GMDS: variants seen among roughly 807,000 people sequenced by gnomAD.
The protein encoded by GMDS is GDP-mannose 4,6-dehydratase.
A neutral mutation model predicts 49.9 loss-of-function variants in GMDS; 20 were observed. That is an observed-to-expected ratio of 0.40 (90% confidence interval 0.28 to 0.58). The LOEUF (loss-of-function observed/expected upper bound fraction) is 0.58, where lower values mean the gene tolerates loss of function less well. Ranked by LOEUF, GMDS falls within the 20% of genes least tolerant of loss-of-function variation. GMDS has a pLI of 0.42. For synonymous variants in GMDS, 177 were observed against 178.6 expected, an observed-to-expected ratio of 0.99 and a Z score of 0.07; for missense variants, 362 against 481.4, an observed-to-expected ratio of 0.75 and a Z score of 2.32.
intron 2 of GMDS, among the ~76,000 whole-genome samples, chr6:2,121,751 T>A (rs1359820571): frequency 6.6e-6 from 1 of 152,204 alleles, no homozygotes; most frequent in Non-Finnish European, 1.5e-5. Flanking sequence ...GGAGAAAAAG[T>A]AAAGGAGTGC....
At chr6:2,136,870 T>A (rs1776029295) in intron 1 of GMDS, among the ~76,000 whole-genome samples, 1 of 148,392 alleles carries the variant, frequency 6.7e-6, no homozygotes, top group African/African-American at 2.5e-5. Context: ...GCCACTACAT[T>A]CTAGCCTGGG....
chr6:1,884,808 G>A (rs762453625), intron 7 of GMDS, among the ~76,000 whole-genome samples: 7 of 152,164 alleles, frequency 4.6e-5, no homozygotes, highest in Non-Finnish European at 1.0e-4. Context: ...ATTAGGCTAC[G>A]GTGCCCTGAG....
chr6:2,234,663 T>A (rs992501708), intron 1 of GMDS, among the ~76,000 whole-genome samples: 1 of 152,006 alleles, frequency 6.6e-6, no homozygotes, highest in Non-Finnish European at 1.5e-5. Context: ...TGAAAAGACA[T>A]AAATTTTCTG....
intron 7 of GMDS, among the ~76,000 whole-genome samples, chr6:1,751,915 C>CGG (rs1767748929): frequency 6.6e-6 from 1 of 152,196 alleles, no homozygotes; most frequent in Non-Finnish European, 1.5e-5. Context: ...GATAACTCCA[C>CGG]AAAGATGAGG....
At chr6:2,040,900 A>T (rs921246652) in intron 4 of GMDS, among the ~76,000 whole-genome samples, 1 of 152,232 alleles carries the variant, frequency 6.6e-6, no homozygotes, top group East Asian at 1.9e-4. Context: ...CAGCACAAAA[A>T]TACACAGGTT....
chr6:1,646,663 C>T (rs1259065433), intron 9 of GMDS, among the ~76,000 whole-genome samples: 1 of 152,220 alleles, frequency 6.6e-6, no homozygotes, highest in Non-Finnish European at 1.5e-5. Flanking sequence ...AAATTACAGT[C>T]ATGAGCCACT....
chr6:2,184,659 T>C (rs1398183898), intron 1 of GMDS, among the ~76,000 whole-genome samples: 2 of 152,244 alleles, frequency 1.3e-5, no homozygotes. Flanking sequence ...TTGTTTTTCA[T>C]TGTCAATCTG....
rs565183350 is a variant in GMDS at position 2,149,488 on chromosome 6, G to C, written c.103-24757C>G. 3.9e-5 allele frequency among the ~76,000 whole-genome samples: 6 copies of C among 152,240 alleles called. No individual in the cohort carries two copies. In the South Asian group the frequency reaches 1.2e-3, roughly 32 times the overall value. On this transcript the variant is annotated intron_variant, in intron 1 of 10. Transcript: ENST00000380815. ...AGGATTATGTGAGGCGTCTACCACA[G>C]AATGGCTTTTTCAGCCACCTGAACC...
chr6:2,182,652 T>C (rs1461185326), intron 1 of GMDS, among the ~76,000 whole-genome samples: 2 of 152,206 alleles, frequency 1.3e-5, no homozygotes, highest in Non-Finnish European at 2.9e-5. Flanking sequence ...AGCACATCTG[T>C]TTACAAATTG....
At chr6:1,808,146 G>T (rs2113673630) in intron 7 of GMDS, among the ~76,000 whole-genome samples, 1 of 152,318 alleles carries the variant, frequency 6.6e-6, no homozygotes, top group East Asian at 1.9e-4. Context: ...TGTGTTCACA[G>T]TTCCTAAGGT....
chr6:2,011,707 G>A (rs1310190215), intron 4 of GMDS, among the ~76,000 whole-genome samples: 1 of 152,212 alleles, frequency 6.6e-6, no homozygotes, highest in African/African-American at 2.4e-5. Context: ...CTGAGGCAAG[G>A]AGTTCGTGAC....
intron 7 of GMDS, among the ~76,000 whole-genome samples, chr6:1,756,523 C>T (rs56046637): frequency 0.43 from 65,163 of 151,796 alleles, 14,069 homozygotes; most frequent in African/African-American, 0.46. Context: ...CTGCCCGCCT[C>T]GGCCTCCCAA....
intron 1 of GMDS, among the ~76,000 whole-genome samples, chr6:2,126,220 G>A (rs1356486464): frequency 1.3e-5 from 2 of 152,082 alleles, no homozygotes; most frequent in East Asian, 1.9e-4. Flanking sequence ...TTTTGCAGTC[G>A]ATCCCATAAC....
intron 4 of GMDS, among the ~76,000 whole-genome samples, chr6:2,033,145 T>C (rs1467460164): frequency 2.0e-5 from 3 of 152,188 alleles, no homozygotes; most frequent in African/African-American, 7.2e-5. Context: ...CTTCCTTCAT[T>C]TATAGTTTGA....
intron 7 of GMDS, among the ~76,000 whole-genome samples, chr6:1,929,031 TAA>T (rs1244575146): frequency 6.6e-6 from 1 of 152,100 alleles, no homozygotes; most frequent in Non-Finnish European, 1.5e-5. Flanking sequence ...ATTCAAAATC[TAA>T]AGTCAAAGCT....
At chr6:1,827,282 T>C (rs1423150517) in intron 7 of GMDS, among the ~76,000 whole-genome samples, 1 of 152,032 alleles carries the variant, frequency 6.6e-6, no homozygotes, top group Admixed American at 6.6e-5. Flanking sequence ...TTGGAAAACA[T>C]GTATATACAC....
At chr6:1,771,543 C>T (rs1768576907) in intron 7 of GMDS, among the ~76,000 whole-genome samples, 3 of 152,238 alleles carry the variant, frequency 2.0e-5, no homozygotes, top group East Asian at 1.9e-4. Context: ...ATAGTGTGCA[C>T]TGATGATGCC....
At chr6:2,192,186 C>T (rs750451678) in intron 1 of GMDS, among the ~76,000 whole-genome samples, 6 of 152,122 alleles carry the variant, frequency 3.9e-5, no homozygotes, top group Non-Finnish European at 8.8e-5. Context: ...ACCCTCTCTG[C>T]TGACAGCTGA....
intron 7 of GMDS, among the ~76,000 whole-genome samples, chr6:1,923,731 G>A (rs1333904236): frequency 2.0e-5 from 3 of 152,194 alleles, no homozygotes; most frequent in Non-Finnish European, 2.9e-5. Flanking sequence ...TGAAAAATCC[G>A]ACATCAATGG....
Sources: gnomAD v4.1 joint callset for allele counts (sites outside exome capture counted in the v4.1 genomes callset) on GRCh38, gnomAD v4.1.1 for gene constraint, MANE v1.5 for transcripts, NCBI Gene and HGNC (gene_info 2026-07-23, HGNC 2026-07-21) for gene names.